The following MPPED1 variants were observed in gnomAD, a reference collection of about 807,000 sequenced individuals.
MPPED1 encodes the protein metallophosphoesterase domain-containing protein 1.
Under a neutral mutation model 36.2 loss-of-function variants are expected in MPPED1, and 16 were observed. The ratio of observed to expected loss-of-function variants is 0.44; its 90% confidence interval spans 0.30 to 0.67. MPPED1 has a LOEUF of 0.67. Among genes scored for constraint, MPPED1 ranks in the 30% least tolerant of loss-of-function variants. The pLI is 0.10. For missense variants in MPPED1, 307 were observed against 453.4 expected (o/e 0.68, Z 2.93); for synonymous variants, 199 against 191.3 (o/e 1.04, Z -0.33).
At chr22:43,503,258 G>A (rs1210378525) in intron 6 of MPPED1, among the ~76,000 whole-genome samples, 1 of 152,178 alleles carries the variant, frequency 6.6e-6, no homozygotes, top group Non-Finnish European at 1.5e-5. Context: ...ACATGGCCAC[G>A]CCCTGGCCTG....
At chr22:43,430,559 G>T (rs901474946) in intron 2 of MPPED1, among the ~76,000 whole-genome samples, 6 of 152,164 alleles carry the variant, frequency 3.9e-5, no homozygotes, top group African/African-American at 1.4e-4. Context: ...GAATCCCATG[G>T]GAAGAAGATC....
At chr22:43,429,629 C>T (rs562788123) in intron 2 of MPPED1, among the ~76,000 whole-genome samples, 6 of 152,382 alleles carry the variant, frequency 3.9e-5, no homozygotes, top group Admixed American at 1.3e-4. Context: ...CTGATTCATT[C>T]TGTGCTGACA....
At chr22:43,491,296 A>C (rs1932074333) in intron 4 of MPPED1, among the ~76,000 whole-genome samples, 1 of 151,144 alleles carries the variant, frequency 6.6e-6, no homozygotes, top group Non-Finnish European at 1.5e-5. Flanking sequence ...TGATATTGAT[A>C]ATGGTGGTGT....
At position 43,503,432 on chromosome 22, in the gene MPPED1, G is replaced by A. The variant is rs563989073; in HGVS notation, c.862+675G>A. The stretch of plus-strand genomic sequence containing the variant: ...TGCCAGGAAGCATATTGGCTGCTGT[G>A]GGATGTCTGGACTGACGTGGTTTCC... On this transcript the variant is annotated intron_variant, in intron 6 of 6. Transcript: ENST00000443721. 2.0e-5 allele frequency among the ~76,000 whole-genome samples: 3 copies of A among 152,302 alleles called. No homozygotes were observed. In the South Asian group the frequency reaches 6.2e-4, roughly 32 times the overall value.
At chr22:43,500,333 G>GGTGGT (rs1313187267) in intron 5 of MPPED1, among the ~76,000 whole-genome samples, 2 of 144,554 alleles carry the variant, frequency 1.4e-5, no homozygotes, top group Non-Finnish European at 3.0e-5. Context: ...TGGTGGTGGT[G>GGTGGT]GAGGTGGTGG....
chr22:43,443,652 A>C (rs1930229518), intron 3 of MPPED1, among the ~76,000 whole-genome samples: 1 of 151,880 alleles, frequency 6.6e-6, no homozygotes, highest in African/African-American at 2.4e-5. Context: ...AAATTTTATG[A>C]TGTGATCACT....
intron 4 of MPPED1, among the ~76,000 whole-genome samples, chr22:43,478,658 T>G (rs569651294): frequency 6.6e-6 from 1 of 152,176 alleles, no homozygotes; most frequent in African/African-American, 2.4e-5. Context: ...GAGTGTGGCT[T>G]CCGGGGGCCT....
At chr22:43,463,825 TTC>T (rs1212358402) in intron 3 of MPPED1, among the ~76,000 whole-genome samples, 1 of 126,422 alleles carries the variant, frequency 7.9e-6, no homozygotes. Flanking sequence ...CTTTCTTTCT[TTC>T]TTTCTTTCTT....
At chr22:43,414,738 C>T (rs1929018192) in intron 1 of MPPED1, among the ~76,000 whole-genome samples, 1 of 152,134 alleles carries the variant, frequency 6.6e-6, no homozygotes, top group African/African-American at 2.4e-5. Flanking sequence ...GCCCCTCCCT[C>T]ACCGGGAACA....
At chr22:43,475,414 A>G (rs183058347) in intron 4 of MPPED1, among the ~76,000 whole-genome samples, 2 of 61,892 alleles carry the variant, frequency 3.2e-5, no homozygotes, top group East Asian at 4.0e-4. Context: ...CCATACAAAA[A>G]AAGATGCATA....
rs695374 is a variant in MPPED1 at position 43,463,807 on chromosome 22, T to TTTTCTTTCTTTC, written c.407-10871_407-10860dup. On this transcript the variant is annotated intron_variant, in intron 3 of 6. Transcript: ENST00000443721. ...ACTGTGGTTGATTTTTCATTTTTTC[T>TTTTCTTTCTTTC]TTTCTTTCTTTCTTTCTTTCTTTCT... is the stretch of plus-strand genomic sequence containing the variant. Among the ~76,000 whole-genome samples, 287 of 112,986 alleles carry TTTTCTTTCTTTC rather than the reference T, an allele frequency of 2.5e-3. 2 individuals are homozygous for TTTTCTTTCTTTC. Among genetic ancestry groups the TTTTCTTTCTTTC allele is most frequent in the Admixed American group, 3.3e-3 (36 of 10,976 alleles). The allele number at this position is 112,986 out of a possible 152,430, so 74.1% of individuals were successfully genotyped here.
chr22:43,457,734 A>G (rs1290428205), intron 3 of MPPED1, among the ~76,000 whole-genome samples: 1 of 152,190 alleles, frequency 6.6e-6, no homozygotes, highest in Non-Finnish European at 1.5e-5. Flanking sequence ...ATAACAATCT[A>G]GTTTTGATTA....
intron 4 of MPPED1, among the ~76,000 whole-genome samples, chr22:43,495,633 T>A (rs1189477777): frequency 9.3e-5 from 8 of 86,388 alleles, no homozygotes; most frequent in South Asian, 4.1e-4. Context: ...GAGATGGTGG[T>A]GGTGGAGGTG....
chr22:43,500,046 A>G (rs1403636709), intron 5 of MPPED1, among the ~76,000 whole-genome samples: 12 of 20,880 alleles, frequency 5.7e-4, no homozygotes, highest in South Asian at 2.2e-3. Flanking sequence ...GGAGGTGGTG[A>G]TGGGGGTGGT....
At chr22:43,495,976 G>C (rs1192387735) in intron 4 of MPPED1, among the ~76,000 whole-genome samples, 17 of 144,928 alleles carry the variant, frequency 1.2e-4, no homozygotes, top group African/African-American at 4.1e-4. Flanking sequence ...TGGAGATGGT[G>C]GTGGTGGAGA....
At position 43,505,705 on chromosome 22, in the gene MPPED1, C is replaced by T. The variant is rs73887331; in HGVS notation, c.*89C>T. The T allele has an allele frequency of 6.0e-4, 726 of 1,213,898 alleles. 6 individuals carry two copies. In the African/African-American group the frequency reaches 8.9e-3, roughly 15 times the overall value. 75.2% of individuals were successfully genotyped at this position (1,213,898 alleles called of 1,614,324 possible). A position where few individuals can be genotyped will look rare whatever the true frequency, so the allele number is the denominator to read the frequency against. On this transcript the variant is annotated 3_prime_UTR_variant, in exon 7 of 7. Transcript: ENST00000443721. Reference sequence around the variant, plus strand: ...TTCCTTCCATGCTGAGTTGCCTGGACGACCCATCTGGCTGCGGGGACTGGC... The same window carrying T: ...TTCCTTCCATGCTGAGTTGCCTGGATGACCCATCTGGCTGCGGGGACTGGC...
At chr22:43,451,612 G>A (rs1707458089) in intron 3 of MPPED1, among the ~76,000 whole-genome samples, 1 of 152,188 alleles carries the variant, frequency 6.6e-6, no homozygotes, top group African/African-American at 2.4e-5. Flanking sequence ...GGCTTTCTTT[G>A]GTAACATCCC....
chr22:43,500,308 T>C (rs367589354), intron 5 of MPPED1, among the ~76,000 whole-genome samples: 1,409 of 64,518 alleles, frequency 0.022, 2 homozygotes, highest in Admixed American at 0.036. Context: ...GTGGTGATGG[T>C]GATGGAGGTG....
rs372071150 is a variant in MPPED1, at chr22:43,424,196, G to A, written c.-78-712G>A. On this transcript the variant is annotated intron_variant, in intron 1 of 6. Coordinates refer to ENST00000443721, the MANE Select transcript of MPPED1 (RefSeq NM_001044370.2). ...ACATTAGGGTTCCCGAGATCCTTAC[G>A]AGAGAGATGGTAGTGAGGCATCGGA... 3.9e-5 allele frequency among the ~76,000 whole-genome samples: 6 copies of A among 152,156 alleles called. No individual in the cohort carries two copies. In the East Asian group the frequency reaches 9.6e-4, roughly 24 times the overall value.
Sources: gnomAD v4.1 joint callset for allele counts (sites outside exome capture counted in the v4.1 genomes callset) on GRCh38, gnomAD v4.1.1 for gene constraint, MANE v1.5 for transcripts, NCBI Gene and HGNC (gene_info 2026-07-23, HGNC 2026-07-21) for gene names.